The following MAP2K5 variants were observed in gnomAD, a reference collection of about 807,000 sequenced individuals.
MAP2K5 encodes mitogen-activated protein kinase kinase 5, also known as dual specificity mitogen-activated protein kinase kinase 5.
MAP2K5 carries 49 observed loss-of-function variants against 83.1 expected under a neutral mutation model. That is an observed-to-expected ratio of 0.59 (90% CI 0.47 to 0.75). The LOEUF is 0.75. MAP2K5 is among the 30% of genes least tolerant of loss of function. The pLI is 0.00. For missense variants in MAP2K5, 457 were observed against 557.5 expected (o/e 0.82, Z 1.82); for synonymous variants, 202 against 191.8 (o/e 1.05, Z -0.44).
chr15:67,738,391 T>C lies in MAP2K5; in HGVS notation c.1075-9840T>C, dbSNP rs931296745. ...AGGCCCTGCTCTTTGGATAGCCCTATGCCTTCTTGGTAGCCAGGCAGCTGG... is the reference window on the plus strand; with the variant it reads ...AGGCCCTGCTCTTTGGATAGCCCTACGCCTTCTTGGTAGCCAGGCAGCTGG... On this transcript the variant is annotated intron_variant, in intron 17 of 21. Transcript: ENST00000178640. The surrounding 1 kb of genome is among the most constrained non-coding windows in gnomAD (Gnocchi z 4.1). Among the ~76,000 whole-genome samples the C allele has an allele frequency of 1.3e-5, 2 of 152,236 alleles. No individual in the cohort carries two copies. The highest frequency in any genetic ancestry group is 2.9e-5 in the Non-Finnish European group (2 of 68,036).
At chr15:67,761,897 A>G (rs1566955655) in intron 19 of MAP2K5, among the ~76,000 whole-genome samples, 1 of 152,234 alleles carries the variant, frequency 6.6e-6, no homozygotes, top group Non-Finnish European at 1.5e-5. Context: ...GTATATTAAC[A>G]TTATAATTTA....
At chr15:67,713,767 G>A (rs908048432) in intron 16 of MAP2K5, among the ~76,000 whole-genome samples, 1 of 151,506 alleles carries the variant, frequency 6.6e-6, no homozygotes, top group Non-Finnish European at 1.5e-5. Context: ...GGATCACCCA[G>A]CCCAGTACCC....
At chr15:67,767,635 T>A (rs1273887737) in intron 19 of MAP2K5, among the ~76,000 whole-genome samples, 1 of 152,228 alleles carries the variant, frequency 6.6e-6, no homozygotes, top group African/African-American at 2.4e-5. Context: ...CTTGGTGATA[T>A]ATATGGCTTT....
rs1216756851 is a variant in MAP2K5, at chr15:67,555,552, A to C, written c.184+5470A>C. ...AAAGAATACCCATATTTAAATTTCA[A>C]TATCTATTACTGTGTTTGCTCACCA... On this transcript the variant is annotated intron_variant, in intron 2 of 21. Transcript: ENST00000178640. The surrounding 1 kb of genome is among the most constrained non-coding windows in gnomAD (Gnocchi z 5.2). Among the ~76,000 whole-genome samples the C allele has an allele frequency of 6.6e-6, 1 of 152,190 alleles. No individual in the cohort carries two copies. Among genetic ancestry groups the C allele is most frequent in the African/African-American group, 2.4e-5 (1 of 41,438 alleles).
At chr15:67,608,935 A>G (rs2085844584) in intron 8 of MAP2K5, among the ~76,000 whole-genome samples, 1 of 152,126 alleles carries the variant, frequency 6.6e-6, no homozygotes, top group Admixed American at 6.5e-5. Flanking sequence ...TACTGTAGGC[A>G]CTTAGTGAGT....
At chr15:67,788,938 C>A (rs1473213032) in intron 21 of MAP2K5, among the ~76,000 whole-genome samples, 1 of 149,006 alleles carries the variant, frequency 6.7e-6, no homozygotes, top group East Asian at 2.0e-4. Context: ...TACCATTGCA[C>A]TCCAGCATGG....
In MAP2K5 at chr15:67,647,969, G is replaced by A. The variant is rs1056667750; in HGVS notation, c.736+1500G>A. ...GTGGGAGGATTGCTTGAGCCCAGGA[G>A]ATTAAGCCTGTAGTGAGCTGTGATC... On this transcript the variant is annotated intron_variant, in intron 11 of 21. Transcript: ENST00000178640. Among the ~76,000 whole-genome samples the A allele has an allele frequency of 3.3e-5, 5 of 152,308 alleles. No individual in the cohort carries two copies. The South Asian group carries it at 1.0e-3, about 32-fold the overall frequency.
In MAP2K5 at chr15:67,634,438, G is replaced by A. The variant is rs140228997; in HGVS notation, c.585+3511G>A. ...TGTATAATCCACTGTATAGGGTATT[G>A]TATAATGTCAATTAGATCAAGTTGG... On this transcript the variant is annotated intron_variant, in intron 9 of 21. Coordinates refer to ENST00000178640, the MANE Select transcript of MAP2K5 (RefSeq NM_145160.3). Among the ~76,000 whole-genome samples the A allele has an allele frequency of 5.5e-4, 72 of 131,502 alleles. No homozygotes were observed. The East Asian group carries it at 0.014, about 25-fold the overall frequency. 86.3% of individuals were successfully genotyped at this position (131,502 alleles called of 152,430 possible). A position where few individuals can be genotyped will look rare whatever the true frequency, so the allele number is the denominator to read the frequency against.
At chr15:67,776,751 T>C (rs1271374876) in intron 21 of MAP2K5, among the ~76,000 whole-genome samples, 1 of 152,212 alleles carries the variant, frequency 6.6e-6, no homozygotes, top group Non-Finnish European at 1.5e-5. Flanking sequence ...CCACAAGGAA[T>C]TCCTTCTGAG....
rs949139618 is a variant in MAP2K5 at position 67,764,644 on chromosome 15, C to T, written c.1135-4958C>T. On this transcript the variant is annotated intron_variant, in intron 19 of 21. Coordinates refer to ENST00000178640, the MANE Select transcript of MAP2K5 (RefSeq NM_145160.3). This position sits in a 1 kb window ranked among gnomAD's most constrained non-coding sequence, Gnocchi z 4.9. ...CTCATTGCGTTCCACATGGTAGATG[C>T]CCACAAAAGCTGTTGAATGAATGAA... Among the ~76,000 whole-genome samples, 3 of 152,174 alleles carry T rather than the reference C, an allele frequency of 2.0e-5. No homozygotes were observed. Among genetic ancestry groups the T allele is most frequent in the Non-Finnish European group, 4.4e-5 (3 of 68,038 alleles).
intron 2 of MAP2K5, among the ~76,000 whole-genome samples, chr15:67,557,549 T>G (rs1377558954): frequency 6.6e-6 from 1 of 152,212 alleles, no homozygotes; most frequent in Non-Finnish European, 1.5e-5. Flanking sequence ...TTTTCAGCTG[T>G]TTTATGAACT....
rs2090687466 is a variant in MAP2K5, at chr15:67,800,627, AAAT to A, written c.1243-6017_1243-6015del. Among the ~76,000 whole-genome samples the A allele has an allele frequency of 2.0e-5, 3 of 152,312 alleles. No homozygotes were observed. In the South Asian group the frequency reaches 6.2e-4, roughly 32 times the overall value. On this transcript the variant is annotated intron_variant, in intron 21 of 21. Coordinates refer to ENST00000178640, the MANE Select transcript of MAP2K5 (RefSeq NM_145160.3). The stretch of plus-strand genomic sequence containing the variant: ...ATTGTTCATATGAATCGTTTATGGT[AAAT>A]ATATTGGTCAGACAAATGGTACTCA...
chr15:67,545,851 T>C (rs930917829), intron 1 of MAP2K5, among the ~76,000 whole-genome samples: 1 of 152,184 alleles, frequency 6.6e-6, no homozygotes, highest in Non-Finnish European at 1.5e-5. Flanking sequence ...ACTTAGCACA[T>C]AGTAAGCGCT....
intron 8 of MAP2K5, among the ~76,000 whole-genome samples, chr15:67,608,630 GT>G (rs2085835374): frequency 6.6e-6 from 1 of 152,170 alleles, no homozygotes; most frequent in Non-Finnish European, 1.5e-5. Flanking sequence ...GCTGAGAAGT[GT>G]TTGAAAGGAA....
chr15:67,665,154 T>C lies in MAP2K5; in HGVS notation c.847+509T>C, dbSNP rs1179291673. On this transcript the variant is annotated intron_variant, in intron 13 of 21. Transcript: ENST00000178640. The surrounding 1 kb of genome is among the most constrained non-coding windows in gnomAD (Gnocchi z 4.2). Reference sequence around the variant, plus strand: ...ACCTTGGCCTCCCAGAGTGCTAGGATTCAGGCGGGAGCCACCGCGCCTGGC... The same window carrying C: ...ACCTTGGCCTCCCAGAGTGCTAGGACTCAGGCGGGAGCCACCGCGCCTGGC... Among the ~76,000 whole-genome samples, 2 of 152,174 alleles carry C rather than the reference T, an allele frequency of 1.3e-5. No homozygotes were observed. Among genetic ancestry groups the C allele is most frequent in the African/African-American group, 4.8e-5 (2 of 41,456 alleles).
Position 67,690,732 on chromosome 15 carries a change from C to T in MAP2K5, c.848-1747C>T, listed in dbSNP as rs2088088120. ...TATTTTTAGTAGAGATGAGGTTTTG[C>T]CATGTTGGCCAGGCTGGTCTTGAAC... On this transcript the variant is annotated intron_variant, in intron 13 of 21. Coordinates refer to ENST00000178640, the MANE Select transcript of MAP2K5 (RefSeq NM_145160.3). The surrounding 1 kb of genome is among the most constrained non-coding windows in gnomAD (Gnocchi z 4.3). Among the ~76,000 whole-genome samples the T allele has an allele frequency of 6.6e-6, 1 of 152,044 alleles. No individual in the cohort carries two copies. Among genetic ancestry groups the T allele is most frequent in the African/African-American group, 2.4e-5 (1 of 41,408 alleles).
intron 1 of MAP2K5, among the ~76,000 whole-genome samples, chr15:67,545,955 A>G (rs1227671430): frequency 6.6e-6 from 1 of 152,194 alleles, no homozygotes; most frequent in African/African-American, 2.4e-5. Flanking sequence ...TACCTGGCTC[A>G]AGGCTGACTG....
intron 15 of MAP2K5, among the ~76,000 whole-genome samples, chr15:67,695,128 A>G (rs868238233): frequency 8.4e-6 from 1 of 118,512 alleles, no homozygotes; most frequent in Non-Finnish European, 1.7e-5. Context: ...GGGAGGGGGG[A>G]GGGATGGCAT....
rs1238314050 is a variant in MAP2K5, at chr15:67,555,665, C to T, written c.184+5583C>T. 2.0e-5 allele frequency among the ~76,000 whole-genome samples: 3 copies of T among 152,020 alleles called. No individual in the cohort carries two copies. Reference sequence around the variant, plus strand: ...CCATCAACTCTGGATATTAGCAAACCTTTTAGTCAATGTCAGTTTGATAGG... The same window carrying T: ...CCATCAACTCTGGATATTAGCAAACTTTTTAGTCAATGTCAGTTTGATAGG... On this transcript the variant is annotated intron_variant, in intron 2 of 21. Transcript: ENST00000178640. This position sits in a 1 kb window ranked among gnomAD's most constrained non-coding sequence, Gnocchi z 5.2.
Sources: gnomAD v4.1 joint callset for allele counts (sites outside exome capture counted in the v4.1 genomes callset) on GRCh38, gnomAD v4.1.1 for gene constraint, Gnocchi (gnomAD v3.1) non-coding constraint, MANE v1.5 for transcripts, NCBI Gene and HGNC (gene_info 2026-07-23, HGNC 2026-07-21) for gene names.